The following EYS variants were observed in gnomAD, a reference collection of about 807,000 sequenced individuals.
EYS encodes EGF-like photoreceptor maintenance factor, also known as protein eyes shut homolog.
In EYS, 250 loss-of-function variants were observed where a neutral mutation model predicts 282.1. The observed-to-expected ratio is 0.89, with a 90% CI of 0.80 to 0.98. The LOEUF is 0.98. Among genes scored for constraint, EYS ranks in the 50% least tolerant of loss-of-function variants. EYS has a pLI of 0.00. For missense variants in EYS, 4,016 were observed against 3,709.0 expected, an observed-to-expected ratio of 1.08 and a Z score of -2.15; for synonymous variants, 1,355 against 1,282.9, an observed-to-expected ratio of 1.06 and a Z score of -1.20.
chr6:64,731,113 T>G (rs1195920628), intron 22 of EYS: 1 of 152,152 alleles, frequency 6.6e-6, no homozygotes, highest in Non-Finnish European at 1.5e-5. Flanking sequence ...CCTTATACCT[T>G]ATACAAAAAT....
At chr6:65,214,849 A>G (rs1766271595) in intron 12 of EYS, among the ~76,000 whole-genome samples, 1 of 152,162 alleles carries the variant, frequency 6.6e-6, no homozygotes, top group African/African-American at 2.4e-5. Flanking sequence ...GGCCTTGAAG[A>G]AATATGTTAT....
chr6:65,458,120 T>A (rs1158733683), intron 5 of EYS, among the ~76,000 whole-genome samples: 3 of 152,172 alleles, frequency 2.0e-5, no homozygotes, highest in African/African-American at 7.2e-5. Context: ...TGGACCAACA[T>A]CTTTGGAATA....
chr6:64,157,250 T>G (rs1331493683), intron 31 of EYS, among the ~76,000 whole-genome samples: 15 of 152,088 alleles, frequency 9.9e-5, no homozygotes, highest in Admixed American at 6.6e-4. Context: ...TGCATAGTAT[T>G]CCATGGTGTA....
chr6:64,132,507 CT>C (rs2150282665), intron 31 of EYS, among the ~76,000 whole-genome samples: 2 of 151,910 alleles, frequency 1.3e-5, no homozygotes, highest in South Asian at 4.1e-4. Context: ...GCCTTTTCTT[CT>C]TTGAAAAGAG....
At chr6:64,510,193 G>A (rs1777339538) in intron 26 of EYS, among the ~76,000 whole-genome samples, 2 of 152,068 alleles carry the variant, frequency 1.3e-5, no homozygotes, top group Non-Finnish European at 2.9e-5. Flanking sequence ...AAATTTCATG[G>A]ACAGGCTATT....
chr6:65,619,826 C>G (rs1766396515), intron 2 of EYS, among the ~76,000 whole-genome samples: 1 of 150,432 alleles, frequency 6.6e-6, no homozygotes. Flanking sequence ...CGGTTTTTGT[C>G]TTTGGTTCTG....
In EYS at chr6:64,686,860, T is replaced by TATATATACACACAC. The variant is rs1770154951; in HGVS notation, c.3444-60616_3444-60615insGTGTGTGTATATAT. 2.7e-4 allele frequency among the ~76,000 whole-genome samples: 7 copies of TATATATACACACAC among 25,982 alleles called. 2 individuals are homozygous for TATATATACACACAC. In the South Asian group the frequency reaches 4.0e-3, roughly 15 times the overall value. The allele number at this position is 25,982 out of a possible 152,430, so 17.0% of individuals were successfully genotyped here. Reference sequence around the variant, plus strand: ...ATACGTGTATATATATATATGTGTATATATATACGTGTATATATATATACA... The same window carrying TATATATACACACAC: ...ATACGTGTATATATATATATGTGTATATATATACACACACATATATACGTGTATATATATATACA... On this transcript the variant is annotated intron_variant, in intron 22 of 42. Transcript: ENST00000503581.
At chr6:64,856,764 T>G (rs1489930358) in intron 19 of EYS, among the ~76,000 whole-genome samples, 1 of 152,196 alleles carries the variant, frequency 6.6e-6, no homozygotes, top group East Asian at 1.9e-4. Context: ...TTTAAACTTA[T>G]AAGTTTCCAA....
rs555642935 is a variant in EYS, at chr6:65,003,382, C to CTTT, written c.2138-5680_2138-5679insAAA. Among the ~76,000 whole-genome samples, 355 of 147,418 alleles carry CTTT rather than the reference C, an allele frequency of 2.4e-3. 10 individuals carry two copies. Among genetic ancestry groups the CTTT allele is most frequent in the African/African-American group, 8.3e-3 (342 of 41,272 alleles). ...ATAAATTTTGGTCAGACCGGTTGCT[C>CTTT]TCAAAACCCTGTCTCCTGATAAGAT... On this transcript the variant is annotated intron_variant, in intron 13 of 42. Coordinates refer to ENST00000503581, the MANE Select transcript of EYS (RefSeq NM_001142800.2).
chr6:64,398,450 C>T (rs1486062556), intron 28 of EYS, among the ~76,000 whole-genome samples: 1 of 151,836 alleles, frequency 6.6e-6, no homozygotes, highest in Non-Finnish European at 1.5e-5. Flanking sequence ...TTTCATGACA[C>T]TGGAAAGTCT....
At chr6:65,625,124 T>C (rs2149804384) in intron 2 of EYS, among the ~76,000 whole-genome samples, 1 of 152,190 alleles carries the variant, frequency 6.6e-6, no homozygotes, top group South Asian at 2.1e-4. Context: ...CTCTAGAGGC[T>C]GAGAAGACCT....
At chr6:63,858,578 C>T (rs535058387) in intron 36 of EYS, among the ~76,000 whole-genome samples, 2 of 152,274 alleles carry the variant, frequency 1.3e-5, no homozygotes, top group East Asian at 1.9e-4. Context: ...TCAAAGTCTG[C>T]CTTCAACAGA....
chr6:64,601,283 C>G (rs544281663), intron 24 of EYS, among the ~76,000 whole-genome samples: 2 of 152,050 alleles, frequency 1.3e-5, no homozygotes, highest in South Asian at 2.1e-4. Flanking sequence ...CTCTGAAATA[C>G]ATTTTTATAT....
intron 22 of EYS, among the ~76,000 whole-genome samples, chr6:64,789,715 CCTTT>C (rs1003862263): frequency 2.0e-5 from 3 of 151,974 alleles, no homozygotes; most frequent in African/African-American, 7.2e-5. Context: ...AGACTGTAAG[CCTTT>C]CTTTTTTTTA....
chr6:65,560,230 ATATAT>A (rs1213635102), intron 2 of EYS, among the ~76,000 whole-genome samples: 23 of 145,082 alleles, frequency 1.6e-4, no homozygotes, highest in African/African-American at 2.7e-4. Flanking sequence ...TATAATTATA[ATATAT>A]TATAATTATA....
At chr6:65,515,365 T>C (rs1767083929) in intron 2 of EYS, among the ~76,000 whole-genome samples, 1 of 152,112 alleles carries the variant, frequency 6.6e-6, no homozygotes, top group Admixed American at 6.5e-5. Flanking sequence ...AGTTCAACCA[T>C]TGTGGAAGTT....
intron 13 of EYS, among the ~76,000 whole-genome samples, chr6:65,031,094 A>T (rs902404657): frequency 6.6e-6 from 1 of 150,524 alleles, no homozygotes; most frequent in Non-Finnish European, 1.5e-5. Context: ...AGACATAACC[A>T]TTCTAAACAC....
intron 23 of EYS, 44 bp downstream of exon 23, chr6:64,626,077 T>C (rs1312145205): frequency 8.7e-7 from 1 of 1,144,186 alleles, no homozygotes; most frequent in Non-Finnish European, 1.3e-6. Context: ...TAAACGTATA[T>C]ATTATTATAT....
rs531007396 is a variant in EYS at position 64,788,681 on chromosome 6, CTT to C, written c.3443+24695_3443+24696del. 8.5e-5 allele frequency among the ~76,000 whole-genome samples: 13 copies of C among 152,218 alleles called. No individual in the cohort carries two copies. The South Asian group carries it at 2.5e-3, about 29-fold the overall frequency. ...GCAGCAAGCGTCTCCAATTCTCCAT[CTT>C]TTAAAGAGTTATTCAATGGCAGTTT... On this transcript the variant is annotated intron_variant, in intron 22 of 42. Coordinates refer to ENST00000503581, the MANE Select transcript of EYS (RefSeq NM_001142800.2).
Sources: allele counts gnomAD v4.1 joint callset (sites outside exome capture counted in the v4.1 genomes callset), GRCh38; gene constraint gnomAD v4.1.1; transcripts MANE v1.5; gene names NCBI Gene and HGNC (gene_info 2026-07-23, HGNC 2026-07-21).